Variants in NCK1 observed in about 807,000 individuals in gnomAD.
NCK1 encodes NCK adaptor protein 1.
Under a neutral mutation model 36.6 loss-of-function variants are expected in NCK1, and 19 were observed. The observed-to-expected ratio is 0.52, with a 90% CI of 0.36 to 0.76. The LOEUF (loss-of-function observed/expected upper bound fraction) is 0.76, where lower values mean the gene tolerates loss of function less well. Ranked by LOEUF, NCK1 falls within the 30% of genes least tolerant of loss-of-function variation. The probability of loss-of-function intolerance (pLI) is 0.00; values close to 1 mark genes in which losing one functional copy is unlikely to be tolerated. For synonymous variants in NCK1, 165 were observed against 156.0 expected, an observed-to-expected ratio of 1.06 and a Z score of -0.43; for missense variants, 358 against 445.6, an observed-to-expected ratio of 0.80 and a Z score of 1.77.
intron 1 of NCK1, among the ~76,000 whole-genome samples, chr3:136,875,304 A>G (rs1373034017): frequency 1.3e-5 from 2 of 152,088 alleles, no homozygotes; most frequent in East Asian, 3.9e-4. Flanking sequence ...TTCTAGATAT[A>G]CAATCATGTC....
chr3:136,878,848 A>C lies in NCK1; in HGVS notation c.-19+16495A>C, dbSNP rs77846786. ...GGGCCCTAGACACAATTGGAGGTCAAGCGTTCTACAGAAAACACTGAATTA... is the reference window on the plus strand; with the variant it reads ...GGGCCCTAGACACAATTGGAGGTCACGCGTTCTACAGAAAACACTGAATTA... On this transcript the variant is annotated intron_variant, in intron 1 of 3. Transcript: ENST00000481752. Among the ~76,000 whole-genome samples, 634 of 152,276 alleles carry C rather than the reference A, an allele frequency of 4.2e-3. 10 individuals carry two copies. In the East Asian group the frequency reaches 0.057, roughly 14 times the overall value.
At chr3:136,891,447 C>T (rs1560037546) in intron 1 of NCK1, among the ~76,000 whole-genome samples, 1 of 152,184 alleles carries the variant, frequency 6.6e-6, no homozygotes, top group African/African-American at 2.4e-5. Flanking sequence ...ATCATGGACA[C>T]TTTGGTTGCT....
At chr3:136,912,132 A>G (rs923000584) in intron 1 of NCK1, among the ~76,000 whole-genome samples, 1 of 149,868 alleles carries the variant, frequency 6.7e-6, no homozygotes, top group African/African-American at 2.5e-5. Context: ...TCTTTCATCA[A>G]ATTTGGGAAG....
intron 2 of NCK1, among the ~76,000 whole-genome samples, chr3:136,937,072 A>T (rs748479594): frequency 6.6e-6 from 1 of 152,110 alleles, no homozygotes; most frequent in African/African-American, 2.4e-5. Context: ...ATTTGCTCCT[A>T]TGTTTTCTTC....
At chr3:136,870,291 G>A (rs577386924) in intron 1 of NCK1, among the ~76,000 whole-genome samples, 10 of 150,664 alleles carry the variant, frequency 6.6e-5, no homozygotes, top group Admixed American at 2.6e-4. Flanking sequence ...GCAGTGAGCC[G>A]AGATCATGCC....
intron 1 of NCK1, among the ~76,000 whole-genome samples, chr3:136,876,576 T>C (rs997245435): frequency 6.6e-6 from 1 of 151,480 alleles, no homozygotes; most frequent in Non-Finnish European, 1.5e-5. Flanking sequence ...GGTTTTTTGT[T>C]TTTTTTTTAA....
Position 136,948,299 on chromosome 3 carries a change from A to G in NCK1, c.980A>G (p.Asn327Ser). Residue 327 changes from asparagine (N) to serine (S), a missense_variant, in exon 4 of 4, where the codon AAC becomes AGC. Transcript: ENST00000481752. Reference sequence around the variant, plus strand: ...GTATCACTAAAAGCACAAGGGAAAAACAAGCATTTTAAAGTCCAACTAAAA... The same window carrying G: ...GTATCACTAAAAGCACAAGGGAAAAGCAAGCATTTTAAAGTCCAACTAAAA... ...FSVSLKAQGK[N>S]KHFKVQLKET... The G allele has an allele frequency of 6.2e-7, 1 of 1,607,788 alleles. No individual in the cohort carries two copies. The highest frequency in any genetic ancestry group is 8.5e-7 in the Non-Finnish European group (1 of 1,177,188).
At chr3:136,925,145 A>T (rs1940206248) in intron 1 of NCK1, among the ~76,000 whole-genome samples, 1 of 152,214 alleles carries the variant, frequency 6.6e-6, no homozygotes, top group Admixed American at 6.5e-5. Context: ...TTATTATACC[A>T]GTAATGTAGT....
intron 1 of NCK1, among the ~76,000 whole-genome samples, chr3:136,894,155 C>A (rs2108092320): frequency 1.3e-5 from 2 of 152,202 alleles, no homozygotes; most frequent in African/African-American, 4.8e-5. Flanking sequence ...TATGAGAAGC[C>A]CATAGTGACC....
intron 1 of NCK1, among the ~76,000 whole-genome samples, chr3:136,892,973 T>C (rs755734721): frequency 1.3e-5 from 2 of 151,718 alleles, no homozygotes; most frequent in Non-Finnish European, 2.9e-5. Flanking sequence ...ACCACCCTTA[T>C]CATTCATATG....
At chr3:136,908,434 C>T (rs1939742758) in intron 1 of NCK1, among the ~76,000 whole-genome samples, 1 of 152,130 alleles carries the variant, frequency 6.6e-6, no homozygotes, top group Non-Finnish European at 1.5e-5. Context: ...ACTAGATGTA[C>T]AGCTTGCAAA....
chr3:136,946,051 G>T lies in NCK1; in HGVS notation c.695G>T (p.Cys232Phe), dbSNP rs1427090006. ...GAAAATGACCCAGAGTGGTGGAAATGCAGGAAGATCAATGGTATGGTTGGT... is the reference window on the plus strand; with the variant it reads ...GAAAATGACCCAGAGTGGTGGAAATTCAGGAAGATCAATGGTATGGTTGGT... Reference protein sequence around the residue: ...KPENDPEWWKCRKINGMVGLV... With the variant: ...KPENDPEWWKFRKINGMVGLV... The change falls in exon 3 of 4, where the codon TGC becomes TTC. Residue 232 changes from cysteine to phenylalanine, a missense_variant. By Grantham distance (205) the Cys-to-Phe change is radical. This residue lies in a region of NCK1 where 207 missense variants were observed against 253.4 expected (regional missense o/e 0.82). Coordinates refer to ENST00000481752, the MANE Select transcript of NCK1 (RefSeq NM_001291999.2). 1.2e-6 allele frequency: 2 copies of T among 1,613,864 alleles called. No homozygotes were observed. The highest frequency in any genetic ancestry group is 2.7e-5 in the African/African-American group (2 of 74,858).
chr3:136,908,355 A>G (rs890852062), intron 1 of NCK1, among the ~76,000 whole-genome samples: 8 of 152,226 alleles, frequency 5.3e-5, no homozygotes, highest in South Asian at 2.1e-4. Flanking sequence ...ATACAAAGGA[A>G]TGATAGAGGG....
intron 1 of NCK1, among the ~76,000 whole-genome samples, chr3:136,898,708 G>A (rs1346373882): frequency 6.6e-6 from 1 of 152,160 alleles, no homozygotes; most frequent in East Asian, 1.9e-4. Context: ...TTCCCTGTGC[G>A]AGATAAAACT....
At chr3:136,900,716 C>T (rs1304214175) in intron 1 of NCK1, among the ~76,000 whole-genome samples, 1 of 151,844 alleles carries the variant, frequency 6.6e-6, no homozygotes, top group Non-Finnish European at 1.5e-5. Context: ...TTTTTTTTAA[C>T]ACTCCCTACT....
intron 1 of NCK1, among the ~76,000 whole-genome samples, chr3:136,864,214 CG>C (rs750948665): frequency 3.3e-5 from 5 of 152,022 alleles, no homozygotes; most frequent in Non-Finnish European, 7.4e-5. Flanking sequence ...TAATGTTGGC[CG>C]GGCTCGGTGG....
chr3:136,904,752 T>G (rs573594548), intron 1 of NCK1, among the ~76,000 whole-genome samples: 18 of 152,282 alleles, frequency 1.2e-4, no homozygotes, highest in Admixed American at 9.8e-4. Flanking sequence ...TCTAACATTT[T>G]TGTTTTCTCT....
chr3:136,947,712 C>T (rs1576996449), intron 3 of NCK1, among the ~76,000 whole-genome samples: 1 of 152,118 alleles, frequency 6.6e-6, no homozygotes, highest in African/African-American at 2.4e-5. Flanking sequence ...CACTCTGACA[C>T]TTATTTACAT....
At chr3:136,909,994 G>A (rs1340617250) in intron 1 of NCK1, among the ~76,000 whole-genome samples, 1 of 152,054 alleles carries the variant, frequency 6.6e-6, no homozygotes, top group Non-Finnish European at 1.5e-5. Flanking sequence ...CTTACGGATA[G>A]CATATATTTA....
Sources: allele counts gnomAD v4.1 joint callset (sites outside exome capture counted in the v4.1 genomes callset), GRCh38; gene constraint gnomAD v4.1.1; regional missense constraint gnomAD v4.1.1; transcripts MANE v1.5; gene names NCBI Gene and HGNC (gene_info 2026-07-23, HGNC 2026-07-21).